INPP5D: variants seen among roughly 807,000 people sequenced by gnomAD.
INPP5D encodes phosphatidylinositol 3,4,5-trisphosphate 5-phosphatase 1.
A neutral mutation model predicts 122.9 loss-of-function variants in INPP5D; 33 were observed. That is an observed-to-expected ratio of 0.27 (90% confidence interval 0.20 to 0.36). The LOEUF is 0.36. Ranked by LOEUF, INPP5D falls within the 10% of genes least tolerant of loss-of-function variation. The pLI is 1.00. For synonymous variants in INPP5D, 584 were observed against 576.2 expected (o/e 1.01, Z -0.19); for missense variants, 1,053 against 1,412.7 (o/e 0.75, Z 4.08).
chr2:233,202,340 G>T (rs566099142), intron 25 of INPP5D, among the ~76,000 whole-genome samples: 1 of 152,210 alleles, frequency 6.6e-6, no homozygotes, highest in Non-Finnish European at 1.5e-5. Flanking sequence ...CATGGAGGGG[G>T]CCCTTTCCAA....
At chr2:233,198,583 T>C (rs144190615) in intron 25 of INPP5D, among the ~76,000 whole-genome samples, 463 of 152,342 alleles carry the variant, frequency 3.0e-3, no homozygotes, top group Admixed American at 4.2e-3. Context: ...ACTCGATTGC[T>C]TTTTAAAGGG....
At chr2:233,202,168 C>T (rs1272590719) in intron 25 of INPP5D, among the ~76,000 whole-genome samples, 1 of 152,004 alleles carries the variant, frequency 6.6e-6, no homozygotes, top group African/African-American at 2.4e-5. Flanking sequence ...CCCCCTCCTC[C>T]CATCTCAGCC....
chr2:233,073,078 C>T (rs189043122), intron 1 of INPP5D, among the ~76,000 whole-genome samples: 1 of 152,206 alleles, frequency 6.6e-6, no homozygotes, highest in Non-Finnish European at 1.5e-5. Context: ...GCCCATCCCC[C>T]CTTCACTCAC....
In INPP5D at chr2:233,171,213, C is replaced by T. The variant is rs187512062; in HGVS notation, c.1989+61C>T. The T allele has an allele frequency of 1.9e-6, 3 of 1,572,998 alleles. No homozygotes were observed. In the East Asian group the frequency reaches 6.8e-5, roughly 36 times the overall value. On this transcript the variant is annotated intron_variant, in intron 17 of 26. Coordinates refer to ENST00000445964, the MANE Select transcript of INPP5D (RefSeq NM_001017915.3). ...ATCTCCTCCCCGCTGGTGTCTGTTC[C>T]CAAAAGGTGAACAGAAAGTGTCTTC...
chr2:233,070,442 G>GT (rs56101050), intron 1 of INPP5D, among the ~76,000 whole-genome samples: 443 of 141,558 alleles, frequency 3.1e-3, no homozygotes, highest in Non-Finnish European at 3.7e-3. Context: ...GATTCAGCAG[G>GT]TTTTTTTTTT....
rs117260912 is a variant in INPP5D at position 233,077,742 on chromosome 2, C to A, written c.135-1593C>A. ...AAGTGTGATGGCAGGAGCTTGTAAT[C>A]CCAGTTACTTGAGAGGCTGAGGCAG... On this transcript the variant is annotated intron_variant, in intron 1 of 26. Coordinates refer to ENST00000445964, the MANE Select transcript of INPP5D (RefSeq NM_001017915.3). 6.1e-3 allele frequency among the ~76,000 whole-genome samples: 920 copies of A among 151,144 alleles called. 7 individuals carry two copies. The highest frequency in any genetic ancestry group is 0.037 in the East Asian group (191 of 5,152).
chr2:233,169,505 C>T (rs905420769), intron 14 of INPP5D, 104 bp downstream of exon 14: 3 of 1,498,878 alleles, frequency 2.0e-6, no homozygotes, highest in African/African-American at 2.8e-5. Context: ...CTGCCTTTGA[C>T]CTTGTGGATG....
At chr2:233,176,401 A>ATGAG (rs1694632212) in intron 17 of INPP5D, among the ~76,000 whole-genome samples, 1 of 138,312 alleles carries the variant, frequency 7.2e-6, no homozygotes, top group African/African-American at 2.7e-5. Flanking sequence ...GGATGGATGG[A>ATGAG]TAGATAGATG....
Position 233,196,555 on chromosome 2 carries a change from C to A in INPP5D, c.2693+1060C>A, listed in dbSNP as rs11674483. ...GGATCTGTGGCCACCAAACCCCACC[C>A]TATCCACTAGCAAGAAAAATCACTG... On this transcript the variant is annotated intron_variant, in intron 24 of 26. Transcript: ENST00000445964. Among the ~76,000 whole-genome samples, 94 of 152,090 alleles carry A rather than the reference C, an allele frequency of 6.2e-4. 2 individuals are homozygous for A. In the South Asian group the frequency reaches 0.019, roughly 31 times the overall value.
At chr2:233,090,739 C>T (rs924518661) in intron 2 of INPP5D, among the ~76,000 whole-genome samples, 13 of 152,074 alleles carry the variant, frequency 8.5e-5, no homozygotes, top group African/African-American at 1.2e-4. Context: ...AGGTGGATCA[C>T]CTGAGGTCAG....
At chr2:233,193,337 G>A (rs1021938634) in intron 22 of INPP5D, among the ~76,000 whole-genome samples, 3 of 152,182 alleles carry the variant, frequency 2.0e-5, no homozygotes, top group Non-Finnish European at 2.9e-5. Flanking sequence ...AATTCTTTTT[G>A]TGTGAAACGT....
At chr2:233,140,114 C>T in intron 6 of INPP5D, 185 bp downstream of exon 6, 1 of 382,422 alleles carries the variant, frequency 2.6e-6, no homozygotes, top group Non-Finnish European at 4.6e-6. Context: ...AGGAAGCCAT[C>T]TCCCACTGCC....
In INPP5D at chr2:233,060,408, CTCCGCT is replaced by C; in HGVS notation, c.-70_-65del. The C allele has an allele frequency of 6.7e-7, 1 of 1,486,746 alleles. No individual in the cohort carries two copies. The highest frequency in any genetic ancestry group is 2.2e-5 in the Admixed American group (1 of 44,584). 92.1% of individuals were successfully genotyped at this position (1,486,746 alleles called of 1,614,324 possible). On this transcript the variant is annotated 5_prime_UTR_variant, in exon 1 of 27. Transcript: ENST00000445964. ...GGGCGGCAGGTTGCAGTGGAGGGGC[CTCCGCT>C]CCCCTCGGTGGTGTGTGGGTCCTGG...
intron 2 of INPP5D, among the ~76,000 whole-genome samples, chr2:233,107,803 G>A (rs1692506900): frequency 6.6e-6 from 1 of 152,124 alleles, no homozygotes; most frequent in African/African-American, 2.4e-5. Context: ...GGCCCCAGCT[G>A]GCGGGTGGTT....
intron 1 of INPP5D, among the ~76,000 whole-genome samples, chr2:233,063,048 C>G (rs1691116637): frequency 6.6e-6 from 1 of 151,994 alleles, no homozygotes; most frequent in African/African-American, 2.4e-5. Flanking sequence ...CAAACCCTAC[C>G]ACCCTTAGTT....
chr2:233,161,959 C>G, intron 11 of INPP5D, 133 bp downstream of exon 11: 1 of 1,351,140 alleles, frequency 7.4e-7, no homozygotes, highest in Non-Finnish European at 9.8e-7. Flanking sequence ...GCCCCTAAGC[C>G]CCAGCCCACC....
intron 24 of INPP5D, among the ~76,000 whole-genome samples, chr2:233,196,740 C>T (rs186784737): frequency 1.4e-4 from 21 of 152,280 alleles, no homozygotes; most frequent in African/African-American, 4.1e-4. Flanking sequence ...GTCTCTTTGC[C>T]GGCTCACCAG....
chr2:233,156,426 A>T (rs557405942), intron 9 of INPP5D, among the ~76,000 whole-genome samples: 1 of 152,308 alleles, frequency 6.6e-6, no homozygotes, highest in Non-Finnish European at 1.5e-5. Context: ...AGTGGCTGGG[A>T]CTACAGGTGC....
At chr2:233,162,845 C>G (rs1349938128) in intron 11 of INPP5D, among the ~76,000 whole-genome samples, 2 of 152,198 alleles carry the variant, frequency 1.3e-5, no homozygotes, top group Non-Finnish European at 2.9e-5. Context: ...CCTTCGGTCC[C>G]TTTCAGTGTT....
Sources: allele counts gnomAD v4.1 joint callset (sites outside exome capture counted in the v4.1 genomes callset), GRCh38; gene constraint gnomAD v4.1.1; transcripts MANE v1.5; gene names NCBI Gene and HGNC (gene_info 2026-07-23, HGNC 2026-07-21).